Variants in GPHN observed in about 807,000 individuals in gnomAD.
GPHN encodes gephyrin.
In GPHN, 17 loss-of-function variants were observed where a neutral mutation model predicts 95.5. That is an observed-to-expected ratio of 0.18 (90% CI 0.12 to 0.27). The LOEUF (loss-of-function observed/expected upper bound fraction) is 0.27, where lower values mean the gene tolerates loss of function less well. GPHN is among the 10% of genes least tolerant of loss of function. The pLI is 1.00. For synonymous variants in GPHN, 320 were observed against 322.5 expected, an observed-to-expected ratio of 0.99 and a Z score of 0.08; for missense variants, 660 against 978.1, an observed-to-expected ratio of 0.67 and a Z score of 4.34.
At chr14:67,103,163 A>G (rs1446071809) in intron 13 of GPHN, among the ~76,000 whole-genome samples, 2 of 151,636 alleles carry the variant, frequency 1.3e-5, no homozygotes, top group African/African-American at 4.9e-5. Context: ...CCCAGTATGG[A>G]CTCTGTGTGG....
At chr14:67,393,046 C>T in the GPHN span, 1 of 976,616 alleles carries the variant, frequency 1.0e-6, no homozygotes, top group South Asian at 1.3e-5. Context: ...TGTTGCCCAG[C>T]AGGCAGCTCT....
At chr14:67,571,457 T>C in the GPHN span, 1 of 331,010 alleles carries the variant, frequency 3.0e-6, no homozygotes, top group Admixed American at 3.9e-5. Context: ...TGGTGTAGCT[T>C]TCTGGCCCCC....
intron 1 of GPHN, among the ~76,000 whole-genome samples, chr14:66,614,202 A>G (rs1051195296): frequency 6.6e-6 from 1 of 152,132 alleles, no homozygotes; most frequent in Admixed American, 6.6e-5. Flanking sequence ...TTTTATAACT[A>G]TATTAATTTG....
the GPHN span, among the ~76,000 whole-genome samples, chr14:67,443,934 A>G: frequency 6.6e-6 from 1 of 152,348 alleles, no homozygotes; most frequent in South Asian, 2.1e-4. Context: ...GGAACTGCTC[A>G]GGGCAAATCC....
chr14:66,776,079 C>T, intron 2 of GPHN, among the ~76,000 whole-genome samples: 1 of 152,012 alleles, frequency 6.6e-6, no homozygotes, highest in Non-Finnish European at 1.5e-5. Context: ...TTTCTGTAAA[C>T]CTAAAGCTAC....
At chr14:67,333,031 A>G in the GPHN span, 1 of 1,298,782 alleles carries the variant, frequency 7.7e-7, no homozygotes, top group Non-Finnish European at 1.1e-6. Flanking sequence ...CCGACACTGC[A>G]GCAAGATTGA....
the GPHN span, chr14:67,579,039 A>G: frequency 1.2e-6 from 1 of 811,022 alleles, no homozygotes; most frequent in Non-Finnish European, 2.0e-6. Context: ...CCCCAGCTAC[A>G]GTTTTGGTCC....
chr14:67,223,997 C>T, the GPHN span: 5 of 983,874 alleles, frequency 5.1e-6, no homozygotes, highest in African/African-American at 8.7e-5. Flanking sequence ...AACTGCTCCC[C>T]ATAGTAGTAA....
chr14:66,906,991 C>T (rs1191859690), intron 5 of GPHN, among the ~76,000 whole-genome samples: 1 of 152,146 alleles, frequency 6.6e-6, no homozygotes, highest in Non-Finnish European at 1.5e-5. Context: ...CTGAGTTCTT[C>T]TATATGCTTG....
At chr14:67,357,508 C>A in the GPHN span, among the ~76,000 whole-genome samples, 1 of 152,180 alleles carries the variant, frequency 6.6e-6, no homozygotes, top group East Asian at 1.9e-4. Flanking sequence ...CCTTCATGAG[C>A]CTATCATTTT....
intron 1 of GPHN, among the ~76,000 whole-genome samples, chr14:66,603,324 G>C (rs1326111295): frequency 6.6e-6 from 1 of 151,786 alleles, no homozygotes; most frequent in Non-Finnish European, 1.5e-5. Flanking sequence ...TTTTTTGTGT[G>C]TGTGTGGTGT....
the GPHN span, among the ~76,000 whole-genome samples, chr14:67,602,079 G>A: frequency 1.3e-5 from 2 of 151,876 alleles, no homozygotes; most frequent in South Asian, 2.1e-4. Context: ...TTATTAGTCC[G>A]TTTTCACACT....
At chr14:67,340,424 GC>G in the GPHN span, 10 of 1,607,118 alleles carry the variant, frequency 6.2e-6, no homozygotes, top group East Asian at 2.0e-4. Context: ...ATCAATAACT[GC>G]CAATTTCAAC....
At chr14:67,330,633 T>C in the GPHN span, among the ~76,000 whole-genome samples, 1 of 152,074 alleles carries the variant, frequency 6.6e-6, no homozygotes, top group South Asian at 2.1e-4. Context: ...TAATTTTGTA[T>C]TTTTAGTAGA....
chr14:66,837,338 G>A (rs1374199337), intron 4 of GPHN, among the ~76,000 whole-genome samples: 4 of 149,602 alleles, frequency 2.7e-5, no homozygotes, highest in East Asian at 2.0e-4. Context: ...GTAAACTATC[G>A]CAAGAACAAA....
At chr14:66,762,137 T>A (rs1160320588) in intron 2 of GPHN, among the ~76,000 whole-genome samples, 7 of 145,698 alleles carry the variant, frequency 4.8e-5, no homozygotes, top group Non-Finnish European at 9.1e-5. Flanking sequence ...TTTGAAAGGT[T>A]AAAAAAAAAA....
At chr14:66,805,982 G>A (rs1226485948) in intron 3 of GPHN, among the ~76,000 whole-genome samples, 1 of 152,196 alleles carries the variant, frequency 6.6e-6, no homozygotes, top group Non-Finnish European at 1.5e-5. Context: ...TTTCTCTTCT[G>A]CACTGCCCTA....
chr14:67,133,234 C>T (rs2079838576), intron 17 of GPHN, among the ~76,000 whole-genome samples: 16 of 152,052 alleles, frequency 1.1e-4, no homozygotes, highest in Admixed American at 9.8e-4. Context: ...GATTAACTGC[C>T]AACATTCTTT....
chr14:66,709,477 G>T, intron 2 of GPHN: 5 of 452,854 alleles, frequency 1.1e-5, no homozygotes, highest in Middle Eastern at 3.3e-4. Flanking sequence ...ATAACAAGTG[G>T]GTAGCCTATA....
Sources: gnomAD v4.1 joint callset for allele counts (sites outside exome capture counted in the v4.1 genomes callset) on GRCh38, gnomAD v4.1.1 for gene constraint, MANE v1.5 for transcripts, NCBI Gene and HGNC (gene_info 2026-07-23, HGNC 2026-07-21) for gene names.